GALNT1: variants seen among roughly 807,000 people sequenced by gnomAD.
GALNT1 encodes the protein GalNAc transferase 1.
GALNT1 carries 17 observed loss-of-function variants against 65.7 expected under a neutral mutation model. That is an observed-to-expected ratio of 0.26 (90% CI 0.18 to 0.39). The LOEUF is 0.39. Ranked by LOEUF, GALNT1 falls within the 10% of genes least tolerant of loss-of-function variation. The pLI is 1.00. For missense variants in GALNT1, 460 were observed against 672.8 expected (o/e 0.68, Z 3.50); for synonymous variants, 210 against 219.7 (o/e 0.96, Z 0.39).
At chr18:35,617,268 A>G (rs1451327917) in intron 1 of GALNT1, among the ~76,000 whole-genome samples, 4 of 152,184 alleles carry the variant, frequency 2.6e-5, no homozygotes, top group Non-Finnish European at 5.9e-5. Flanking sequence ...TGCTTGGCAT[A>G]TAGTAGGGCA....
chr18:35,700,689 G>A lies in GALNT1; in HGVS notation c.1300-2208G>A, dbSNP rs1454072365. Among the ~76,000 whole-genome samples, 4 of 152,118 alleles carry A rather than the reference G, an allele frequency of 2.6e-5. No homozygotes were observed. In the East Asian group the frequency reaches 7.7e-4, roughly 29 times the overall value. ...ATAGAGGCAGGGTCTCATCATGTTG[G>A]CCAGGTAGGTCCCAAACTCTTGAGC... is the stretch of plus-strand genomic sequence containing the variant. On this transcript the variant is annotated intron_variant, in intron 9 of 11. Transcript: ENST00000269195.
At chr18:35,601,793 G>A (rs2046585948) in intron 1 of GALNT1, among the ~76,000 whole-genome samples, 1 of 152,204 alleles carries the variant, frequency 6.6e-6, no homozygotes, top group African/African-American at 2.4e-5. Context: ...GTAAATGTGA[G>A]TTAGGTCCCT....
rs1032550097 is a variant in GALNT1 at position 35,710,644 on chromosome 18, G to C, written c.*874G>C. 6.6e-6 allele frequency: 1 copy of C among 152,538 alleles called. No homozygotes were observed. The highest frequency in any genetic ancestry group is 2.4e-5 in the African/African-American group (1 of 41,418). The allele number at this position is 152,538 out of a possible 1,614,324, so 9.4% of individuals were successfully genotyped here. On this transcript the variant is annotated 3_prime_UTR_variant, in exon 12 of 12. Coordinates refer to ENST00000269195, the MANE Select transcript of GALNT1 (RefSeq NM_020474.4). ...GTTTCAGTTGCTCTTGGGTCAACTGGCTTACAGATTTACATGTGCACACAC... is the reference window on the plus strand; with the variant it reads ...GTTTCAGTTGCTCTTGGGTCAACTGCCTTACAGATTTACATGTGCACACAC...
At position 35,612,980 on chromosome 18, in the gene GALNT1, T is replaced by C. The variant is rs114148228; in HGVS notation, c.-104+31118T>C. Among the ~76,000 whole-genome samples, 437 of 152,308 alleles carry C rather than the reference T, an allele frequency of 2.9e-3. 1 individual carries two copies. The highest frequency in any genetic ancestry group is 9.7e-3 in the African/African-American group (405 of 41,562). On this transcript the variant is annotated intron_variant, in intron 1 of 11. Transcript: ENST00000269195. ...AAAAAAATTAATCAGTGGTATGTTA[T>C]AGGGAAGTAAGAAATGTTTTAGTAA...
chr18:35,697,044 G>A (rs1187870381), intron 9 of GALNT1, among the ~76,000 whole-genome samples: 1 of 152,188 alleles, frequency 6.6e-6, no homozygotes, highest in African/African-American at 2.4e-5. Flanking sequence ...AATTCCTAAT[G>A]TCAAAAATAG....
intron 9 of GALNT1, among the ~76,000 whole-genome samples, chr18:35,699,651 G>T (rs1378853187): frequency 1.3e-5 from 2 of 152,254 alleles, no homozygotes; most frequent in African/African-American, 4.8e-5. Flanking sequence ...TTATCAGAAG[G>T]TTCTCACTCT....
At chr18:35,669,077 T>G (rs1337448694) in intron 3 of GALNT1, among the ~76,000 whole-genome samples, 6 of 152,138 alleles carry the variant, frequency 3.9e-5, no homozygotes, top group Non-Finnish European at 2.9e-5. Context: ...CTGTCTCTAC[T>G]AAAACTACAA....
intron 1 of GALNT1, among the ~76,000 whole-genome samples, chr18:35,586,709 G>A (rs1237028017): frequency 6.6e-6 from 1 of 152,164 alleles, no homozygotes; most frequent in African/African-American, 2.4e-5. Context: ...AATTGCCTTT[G>A]TATCTTTGTA....
At chr18:35,602,545 A>G (rs591028) in intron 1 of GALNT1, among the ~76,000 whole-genome samples, 149,388 of 152,180 alleles carry the variant, frequency 0.98, 73,374 homozygotes, top group East Asian at 1. Context: ...TTCTTTGTTC[A>G]TTTTTATTCT....
Position 35,648,219 on chromosome 18 carries a change from G to C in GALNT1, c.-103-6341G>C, listed in dbSNP as rs554016860. ...CCCTGACTTAAGATTTTTTGACTTT[G>C]TGAGAGTGTAAAACCATCACAATTT... On this transcript the variant is annotated intron_variant, in intron 1 of 11. Transcript: ENST00000269195. Among the ~76,000 whole-genome samples the C allele has an allele frequency of 2.0e-5, 3 of 152,228 alleles. No homozygotes were observed. The South Asian group carries it at 6.2e-4, about 32-fold the overall frequency.
intron 4 of GALNT1, among the ~76,000 whole-genome samples, chr18:35,683,186 G>A (rs2047812135): frequency 6.6e-6 from 1 of 152,102 alleles, no homozygotes; most frequent in Non-Finnish European, 1.5e-5. Flanking sequence ...TCCTAATTCT[G>A]CATATAATAA....
chr18:35,649,545 A>C (rs2047282409), intron 1 of GALNT1, among the ~76,000 whole-genome samples: 1 of 152,222 alleles, frequency 6.6e-6, no homozygotes. Flanking sequence ...TAATCAATAA[A>C]GGTGTATCAC....
intron 1 of GALNT1, among the ~76,000 whole-genome samples, chr18:35,641,713 A>G (rs2047166105): frequency 6.6e-6 from 1 of 152,216 alleles, no homozygotes; most frequent in Non-Finnish European, 1.5e-5. Context: ...TAACACATCC[A>G]CCACGTGCAG....
At chr18:35,684,218 A>C (rs929574218) in intron 5 of GALNT1, among the ~76,000 whole-genome samples, 1 of 152,092 alleles carries the variant, frequency 6.6e-6, no homozygotes, top group Admixed American at 6.6e-5. Context: ...TCTGCTTGTC[A>C]TTGTAATTTG....
intron 1 of GALNT1, among the ~76,000 whole-genome samples, chr18:35,602,923 T>C (rs8096882): frequency 0.016 from 2,413 of 152,336 alleles, 31 homozygotes; most frequent in African/African-American, 0.028. Flanking sequence ...GATGTATGTC[T>C]ATGACTTCAC....
chr18:35,589,275 C>A (rs2046415575), intron 1 of GALNT1, among the ~76,000 whole-genome samples: 1 of 152,072 alleles, frequency 6.6e-6, no homozygotes, highest in African/African-American at 2.4e-5. Context: ...GCTTGGGCTC[C>A]CTACTTGGCC....
intron 3 of GALNT1, among the ~76,000 whole-genome samples, chr18:35,667,884 C>G (rs1280440975): frequency 6.6e-6 from 1 of 152,054 alleles, no homozygotes; most frequent in Non-Finnish European, 1.5e-5. Context: ...GAGATCTGGC[C>G]CATAATATGC....
At chr18:35,647,722 A>G (rs1268232378) in intron 1 of GALNT1, among the ~76,000 whole-genome samples, 1 of 152,076 alleles carries the variant, frequency 6.6e-6, no homozygotes, top group East Asian at 1.9e-4. Context: ...GAGTAAAGCT[A>G]GGATCCAAGA....
At chr18:35,611,132 T>C (rs1289634031) in intron 1 of GALNT1, among the ~76,000 whole-genome samples, 1 of 152,150 alleles carries the variant, frequency 6.6e-6, no homozygotes, top group Non-Finnish European at 1.5e-5. Flanking sequence ...GTAGCAGGAG[T>C]ATATTTTCAA....
Sources: allele counts gnomAD v4.1 joint callset (sites outside exome capture counted in the v4.1 genomes callset), GRCh38; gene constraint gnomAD v4.1.1; transcripts MANE v1.5; gene names NCBI Gene and HGNC (gene_info 2026-07-23, HGNC 2026-07-21).